The following PSMA1 variants were observed in gnomAD, a reference collection of about 807,000 sequenced individuals.
The protein encoded by PSMA1 is proteasome subunit alpha type-1.
PSMA1 carries 3 observed loss-of-function variants against 38.4 expected under a neutral mutation model. The observed-to-expected ratio is 0.08, with a 90% confidence interval of 0.04 to 0.20. PSMA1 has a LOEUF of 0.20. Ranked by LOEUF, PSMA1 falls within the 10% of genes least tolerant of loss-of-function variation. The pLI, the probability that PSMA1 is intolerant of heterozygous loss-of-function variation, is 1.00. For synonymous variants in PSMA1, 101 were observed against 107.1 expected (o/e 0.94, Z 0.35); for missense variants, 227 against 325.3 (o/e 0.70, Z 2.32).
At chr11:14,581,418 C>T (rs1004607788) in intron 2 of PSMA1, among the ~76,000 whole-genome samples, 1 of 152,086 alleles carries the variant, frequency 6.6e-6, no homozygotes, top group Non-Finnish European at 1.5e-5. Flanking sequence ...TATGTGCCTT[C>T]GATTTCCTCT....
At chr11:14,535,949 C>G (rs541211377) in intron 2 of PSMA1, among the ~76,000 whole-genome samples, 1 of 152,012 alleles carries the variant, frequency 6.6e-6, no homozygotes, top group South Asian at 2.1e-4. Flanking sequence ...AATCATGCTT[C>G]GAGGAGTTGA....
At position 14,520,007 on chromosome 11, in the gene PSMA1, G is replaced by A; in HGVS notation, c.3+290C>T. 6 of 554,018 alleles carry A rather than the reference G, an allele frequency of 1.1e-5. No individual in the cohort carries two copies. In the South Asian group the frequency reaches 1.1e-4, roughly 10 times the overall value. 34.3% of individuals were successfully genotyped at this position (554,018 alleles called of 1,614,324 possible). A position where few individuals can be genotyped will look rare whatever the true frequency, so the allele number is the denominator to read the frequency against. Reference sequence around the variant, plus strand: ...ACTAGGAGCTATTCTGGACCGCTCAGAATCTACTCCACTGAAGGAACCTGA... The same window carrying A: ...ACTAGGAGCTATTCTGGACCGCTCAAAATCTACTCCACTGAAGGAACCTGA... On this transcript the variant is annotated intron_variant, in intron 1 of 9. Coordinates refer to ENST00000396394, the MANE Select transcript of PSMA1 (RefSeq NM_002786.4).
At chr11:14,579,245 A>G (rs1367943177) in intron 2 of PSMA1, among the ~76,000 whole-genome samples, 1 of 152,230 alleles carries the variant, frequency 6.6e-6, no homozygotes, top group African/African-American at 2.4e-5. Context: ...TGGCAGGGCC[A>G]TGATCCTTCT....
At chr11:14,574,756 G>C (rs887690599) in intron 2 of PSMA1, among the ~76,000 whole-genome samples, 1 of 152,150 alleles carries the variant, frequency 6.6e-6, no homozygotes, top group African/African-American at 2.4e-5. Flanking sequence ...TAAGTTTCCT[G>C]AGGCCTCCTT....
At chr11:14,594,706 T>C (rs1349322060) in intron 2 of PSMA1, among the ~76,000 whole-genome samples, 1 of 152,232 alleles carries the variant, frequency 6.6e-6, no homozygotes, top group Non-Finnish European at 1.5e-5. Flanking sequence ...TCATTCATAT[T>C]ACAGTTAAAG....
intron 2 of PSMA1, among the ~76,000 whole-genome samples, chr11:14,544,900 T>C (rs1194141801): frequency 6.6e-6 from 1 of 152,230 alleles, no homozygotes; most frequent in Non-Finnish European, 1.5e-5. Flanking sequence ...GCAGCATTAT[T>C]CATAATAGCT....
chr11:14,507,567 T>G, intron 9 of PSMA1, 89 bp downstream of exon 9: 1 of 917,420 alleles, frequency 1.1e-6, no homozygotes, highest in Non-Finnish European at 1.7e-6. Flanking sequence ...TTTCAATATT[T>G]AAGACAAAAT....
chr11:14,621,451 TG>T (rs1852842561), intron 1 of PSMA1, among the ~76,000 whole-genome samples: 1 of 152,034 alleles, frequency 6.6e-6, no homozygotes, highest in Non-Finnish European at 1.5e-5. Flanking sequence ...TTGTTTTTTT[TG>T]TAGAGATGGG....
rs567774318 is a variant in PSMA1 at position 14,612,359 on chromosome 11, TAA to T, written c.-165-1210_-165-1209del. ...TGAAATTGTAGTATGTATTGATTCA[TAA>T]GTCAGTTTTAAACTATTTCCTTACT... On this transcript the variant is annotated intron_variant, in intron 1 of 10. Coordinates refer to the PSMA1 transcript ENST00000418988. Among the ~76,000 whole-genome samples the T allele has an allele frequency of 2.4e-3, 371 of 152,354 alleles. 1 individual carries two copies. The highest frequency in any genetic ancestry group is 4.1e-3 in the Admixed American group (63 of 15,298).
At chr11:14,633,203 G>A (rs1203298240) in intron 1 of PSMA1, among the ~76,000 whole-genome samples, 4 of 151,530 alleles carry the variant, frequency 2.6e-5, no homozygotes, top group African/African-American at 9.7e-5. Flanking sequence ...TTTGGAGGAG[G>A]AGAGGCGCTC....
At chr11:14,578,686 C>T (rs756608998) in intron 2 of PSMA1, among the ~76,000 whole-genome samples, 2 of 152,246 alleles carry the variant, frequency 1.3e-5, no homozygotes, top group South Asian at 2.1e-4. Flanking sequence ...CAGCTATCTA[C>T]GTAAACAGGA....
At chr11:14,521,534 CCAA>C (rs1851530169), upstream of PSMA1, among the ~76,000 whole-genome samples, 1 of 150,602 alleles carries the variant, frequency 6.6e-6, no homozygotes, top group Non-Finnish European at 1.5e-5. Flanking sequence ...GCTTGTAATC[CCAA>C]CACTTTGGAA....
intron 1 of PSMA1, among the ~76,000 whole-genome samples, chr11:14,636,111 G>C (rs1406048950): frequency 6.6e-6 from 1 of 152,068 alleles, no homozygotes; most frequent in East Asian, 1.9e-4. Flanking sequence ...GAAACTAAAG[G>C]TAAAGCTTTT....
At position 14,517,875 on chromosome 11, in the gene PSMA1, C is replaced by A. The variant is rs1851458970; in HGVS notation, c.150+5G>T. 3 of 1,594,370 alleles carry A rather than the reference C, an allele frequency of 1.9e-6. No homozygotes were observed. The highest frequency in any genetic ancestry group is 1.7e-6 in the Non-Finnish European group (2 of 1,170,166). ...AGAGGAAGACATATTTATTACTGTA[C>A]TTACTTTCAATGCAACCAAAACTGC... On this transcript the variant is annotated splice_donor_5th_base_variant and intron_variant, in intron 3 of 9. Transcript: ENST00000396394.
At chr11:14,516,712 G>A (rs902879962) in intron 4 of PSMA1, among the ~76,000 whole-genome samples, 2 of 152,130 alleles carry the variant, frequency 1.3e-5, no homozygotes, top group African/African-American at 4.8e-5. Context: ...GATTACCTGA[G>A]GTCAGGAGTT....
chr11:14,526,985 G>A (rs544598881), intron 2 of PSMA1, among the ~76,000 whole-genome samples: 13 of 152,170 alleles, frequency 8.5e-5, no homozygotes, highest in South Asian at 2.1e-4. Flanking sequence ...GGGACTACGC[G>A]TCAATATTTA....
chr11:14,638,535 CTCTCTCTCTCTATATATA>C (rs1259108622), intron 1 of PSMA1, among the ~76,000 whole-genome samples: 7 of 25,642 alleles, frequency 2.7e-4, no homozygotes, highest in East Asian at 2.2e-3. Context: ...CTCTCTCTCT[CTCTCTCTCTCTATATATA>C]TATATATATA....
chr11:14,511,651 C>T (rs1163844680), intron 7 of PSMA1, among the ~76,000 whole-genome samples: 1 of 152,144 alleles, frequency 6.6e-6, no homozygotes, highest in Non-Finnish European at 1.5e-5. Flanking sequence ...TGAAAGGAAC[C>T]TCTTCAGTCT....
intron 1 of PSMA1, among the ~76,000 whole-genome samples, chr11:14,637,362 A>T (rs1172136279): frequency 6.6e-6 from 1 of 152,184 alleles, no homozygotes; most frequent in East Asian, 1.9e-4. Context: ...ATGTCCTATC[A>T]CTGTACCTGG....
Sources: allele counts gnomAD v4.1 joint callset (sites outside exome capture counted in the v4.1 genomes callset), GRCh38; gene constraint gnomAD v4.1.1; transcripts MANE v1.5; gene names NCBI Gene and HGNC (gene_info 2026-07-23, HGNC 2026-07-21).